The following MTCL1 variants were observed in gnomAD, a reference collection of about 807,000 sequenced individuals.
MTCL1 encodes microtubule cross-linking factor 1.
A neutral mutation model predicts 141.4 loss-of-function variants in MTCL1; 79 were observed. The observed-to-expected ratio is 0.56, with a 90% confidence interval of 0.47 to 0.67. The LOEUF is 0.67. MTCL1 is among the 30% of genes least tolerant of loss of function. The probability of loss-of-function intolerance (pLI) is 0.00; values close to 1 mark genes in which losing one functional copy is unlikely to be tolerated. For missense variants in MTCL1, 2,177 were observed against 2,113.9 expected (o/e 1.03, Z -0.59); for synonymous variants, 914 against 875.8 (o/e 1.04, Z -0.77).
chr18:8,711,099 C>T (rs2096089088), intron 1 of MTCL1, among the ~76,000 whole-genome samples: 1 of 151,448 alleles, frequency 6.6e-6, no homozygotes, highest in Admixed American at 6.6e-5. Flanking sequence ...TCCATGTGAT[C>T]TCATTGTTCA....
chr18:8,710,464 T>C (rs75961740), intron 1 of MTCL1, among the ~76,000 whole-genome samples: 17 of 91,260 alleles, frequency 1.9e-4, no homozygotes, highest in African/African-American at 2.8e-5. Context: ...TTTCTTTTTT[T>C]TTTTTTTTTT....
At chr18:8,731,528 C>A (rs551934381) in intron 4 of MTCL1, among the ~76,000 whole-genome samples, 2 of 151,140 alleles carry the variant, frequency 1.3e-5, no homozygotes, top group Non-Finnish European at 3.0e-5. Context: ...GAGCCAAGAT[C>A]GCGTCATCGC....
intron 16 of MTCL1, 97 bp from the exon 15 acceptor site, chr18:8,831,510 A>T: frequency 6.7e-7 from 1 of 1,493,884 alleles, no homozygotes; most frequent in Admixed American, 2.2e-5. Context: ...TGTATACTTC[A>T]TCTCACTTGA....
At chr18:8,782,181 A>C (rs1340759891) in intron 5 of MTCL1, 1 of 152,218 alleles carries the variant, frequency 6.6e-6, no homozygotes, top group African/African-American at 2.4e-5. Flanking sequence ...GATCCGAAGG[A>C]GTTAATTCTC....
chr18:8,731,561 C>T (rs1266243313), intron 4 of MTCL1, among the ~76,000 whole-genome samples: 2 of 151,954 alleles, frequency 1.3e-5, no homozygotes, highest in Non-Finnish European at 2.9e-5. Context: ...GGGGCAAGAG[C>T]GAGACTTCGT....
At chr18:8,763,010 T>G (rs921682004) in intron 4 of MTCL1, among the ~76,000 whole-genome samples, 7 of 152,216 alleles carry the variant, frequency 4.6e-5, no homozygotes, top group Non-Finnish European at 1.0e-4. Context: ...GTTTGGTAGC[T>G]TCTATAAAGT....
At chr18:8,796,653 C>T (rs1399775662) in intron 9 of MTCL1, among the ~76,000 whole-genome samples, 191 bp downstream of exon 8, 2 of 152,170 alleles carry the variant, frequency 1.3e-5, no homozygotes, top group African/African-American at 4.8e-5. Context: ...AAATTGAGCA[C>T]AGGTGACTGA....
At chr18:8,739,327 A>G (rs1279125859) in intron 4 of MTCL1, among the ~76,000 whole-genome samples, 1 of 152,174 alleles carries the variant, frequency 6.6e-6, no homozygotes, top group Non-Finnish European at 1.5e-5. Context: ...GCAGGGGCCT[A>G]TTTCACCAGA....
exon 6 of MTCL1, chr18:8,783,870 G>A (rs370675552): frequency 9.1e-5 from 146 of 1,613,098 alleles, no homozygotes; most frequent in Non-Finnish European, 1.1e-4. Flanking sequence ...GGCCCGGGTC[G>A]GGACCACGCA....
chr18:8,730,852 G>C (rs1598418829), intron 4 of MTCL1, among the ~76,000 whole-genome samples: 1 of 152,176 alleles, frequency 6.6e-6, no homozygotes, highest in Admixed American at 6.5e-5. Context: ...TGGAAGATGG[G>C]AATCTCTGAT....
exon 15 of MTCL1, chr18:8,825,469 A>G (rs569834921): frequency 2.5e-6 from 4 of 1,605,614 alleles, no homozygotes; most frequent in Non-Finnish European, 3.4e-6. Flanking sequence ...ATGGGGACCC[A>G]GACTGTTCAG....
intron 5 of MTCL1, chr18:8,782,443 C>T (rs531430454): frequency 4.6e-5 from 7 of 152,232 alleles, no homozygotes; most frequent in Admixed American, 2.0e-4. Context: ...AAAACCAAAA[C>T]GGGGAGTTCA....
chr18:8,728,985 C>G (rs1343701660), intron 4 of MTCL1, among the ~76,000 whole-genome samples: 2 of 151,994 alleles, frequency 1.3e-5, no homozygotes, highest in African/African-American at 4.8e-5. Flanking sequence ...ATCCACCCAC[C>G]TCAGCCTCCC....
chr18:8,823,727 C>T (rs146767165), intron 14 of MTCL1, among the ~76,000 whole-genome samples: 5 of 152,338 alleles, frequency 3.3e-5, no homozygotes, highest in African/African-American at 7.2e-5. Context: ...ACCACATGGA[C>T]GGGTGCCTTG....
chr18:8,806,809 A>T, intron 10 of MTCL1, 84 bp from the exon 10 acceptor site: 2 of 1,472,092 alleles, frequency 1.4e-6, no homozygotes, highest in Non-Finnish European at 1.8e-6. Flanking sequence ...CCCCCACACT[A>T]CCTTGATAGC....
intron 4 of MTCL1, among the ~76,000 whole-genome samples, chr18:8,773,042 G>A (rs1022127116): frequency 2.0e-5 from 3 of 152,122 alleles, no homozygotes; most frequent in Non-Finnish European, 4.4e-5. Flanking sequence ...ATCATGTTGT[G>A]TATCTTAAAT....
intron 14 of MTCL1, among the ~76,000 whole-genome samples, chr18:8,823,747 T>C (rs56228975): frequency 0.017 from 2,584 of 152,354 alleles, 83 homozygotes; most frequent in African/African-American, 0.057. Context: ...GCCCCCAAGG[T>C]GAAGCCAGCT....
In MTCL1 at chr18:8,809,675, G is replaced by C. The variant is rs2076416506; in HGVS notation, c.2604+2615G>C. The C allele has an allele frequency of 2.5e-5, 36 of 1,468,144 alleles. No homozygotes were observed. The South Asian group carries it at 4.5e-4, about 18-fold the overall frequency. 90.9% of individuals were successfully genotyped at this position (1,468,144 alleles called of 1,614,324 possible). A position where few individuals can be genotyped will look rare whatever the true frequency, so the allele number is the denominator to read the frequency against. On this transcript the variant is annotated intron_variant, in intron 11 of 16. Transcript: ENST00000359865. ...GCCGGGCCTGGTGGCCGGTTCATGA[G>C]ACGCCGTGGAGCAACAGGCACCTCG...
In MTCL1 at chr18:8,818,959, C is replaced by G. The variant is rs777432956; in HGVS notation, c.2860-4C>G. Reference sequence around the variant, plus strand: ...TAATTATTTTCATTTTTAAAATTCTCAAGTTGCAGAAAGAGAACAGTCCCC... The same window carrying G: ...TAATTATTTTCATTTTTAAAATTCTGAAGTTGCAGAAAGAGAACAGTCCCC... On this transcript the variant is annotated splice_region_variant and splice_polypyrimidine_tract_variant and intron_variant, in intron 12 of 16. Transcript: ENST00000359865. 1.3e-6 allele frequency: 2 copies of G among 1,597,166 alleles called. No homozygotes were observed. Among genetic ancestry groups the G allele is most frequent in the Admixed American group, 3.4e-5 (2 of 58,408 alleles).
Sources: allele counts gnomAD v4.1 joint callset (sites outside exome capture counted in the v4.1 genomes callset), GRCh38; gene constraint gnomAD v4.1.1; transcripts MANE v1.5; gene names NCBI Gene and HGNC (gene_info 2026-07-23, HGNC 2026-07-21).